Variants in SLCO1C1 observed in about 807,000 individuals in gnomAD.
SLCO1C1 encodes solute carrier organic anion transporter family member 1C1.
In SLCO1C1, 70 loss-of-function variants were observed where a neutral mutation model predicts 76.4. That is an observed-to-expected ratio of 0.92 (90% confidence interval 0.76 to 1.12). The LOEUF (loss-of-function observed/expected upper bound fraction) is 1.12, where lower values mean the gene tolerates loss of function less well. Among genes scored for constraint, SLCO1C1 ranks in the 50% most tolerant of loss-of-function variants. The pLI is 0.00. For synonymous variants in SLCO1C1, 306 were observed against 286.1 expected (o/e 1.07, Z -0.70); for missense variants, 912 against 823.8 (o/e 1.11, Z -1.31).
intron 3 of SLCO1C1, among the ~76,000 whole-genome samples, chr12:20,702,679 T>A (rs1424820236): frequency 1.3e-5 from 2 of 151,860 alleles, no homozygotes; most frequent in African/African-American, 4.8e-5. Flanking sequence ...CCTGTTCTAC[T>A]GATGGCCCTG....
intron 4 of SLCO1C1, among the ~76,000 whole-genome samples, chr12:20,707,592 A>C (rs941603574): frequency 1.3e-5 from 2 of 152,150 alleles, no homozygotes; most frequent in Non-Finnish European, 2.9e-5. Flanking sequence ...TTCCTAGCTG[A>C]TAATGCCATT....
chr12:20,732,212 A>G (rs117439483), intron 9 of SLCO1C1, among the ~76,000 whole-genome samples: 1,533 of 152,336 alleles, frequency 0.01, 19 homozygotes, highest in South Asian at 0.041. Context: ...AGGAGAGGCA[A>G]CATAGCAGTG....
intron 11 of SLCO1C1, 22 bp from the exon 12 acceptor site, chr12:20,740,162 A>T: frequency 6.3e-7 from 1 of 1,583,252 alleles, no homozygotes; most frequent in Non-Finnish European, 8.6e-7. Flanking sequence ...AAATAATTGG[A>T]CTTTTCCCTA....
intron 13 of SLCO1C1, among the ~76,000 whole-genome samples, chr12:20,748,817 G>A (rs1001542747): frequency 6.6e-6 from 1 of 152,044 alleles, no homozygotes; most frequent in Non-Finnish European, 1.5e-5. Context: ...TACTACACAC[G>A]TGATTTGCAT....
intron 7 of SLCO1C1, 47 bp downstream of exon 7, chr12:20,717,277 A>T: frequency 1.4e-6 from 2 of 1,441,820 alleles, no homozygotes; most frequent in African/African-American, 1.5e-5. Flanking sequence ...AGTCACTGTA[A>T]CATTTTTAAT....
At position 20,752,427 on chromosome 12, in the gene SLCO1C1, G is replaced by A. The variant is rs370126221; in HGVS notation, c.2038G>A (p.Glu680Lys). Residue 680 changes from glutamate to lysine, a missense_variant, in exon 15 of 15, where the codon GAA becomes AAA. Physicochemically the swap from Glu to Lys is moderately conservative, Grantham distance 56. Coordinates refer to ENST00000266509, the MANE Select transcript of SLCO1C1 (RefSeq NM_017435.5). Reference protein sequence around the residue: ...SKHRSFITKRERTMVSTRFQK... With the variant: ...SKHRSFITKRKRTMVSTRFQK... ...ACACAGAAGTTTTATAACCAAGAGA[G>A]AAAGAACAATGGTGTCTACAAGATT... 8 of 1,613,276 alleles carry A rather than the reference G, an allele frequency of 5.0e-6. No individual in the cohort carries two copies. The African/African-American group carries it at 5.3e-5, about 11-fold the overall frequency.
intron 12 of SLCO1C1, among the ~76,000 whole-genome samples, chr12:20,742,248 A>C (rs911047505): frequency 6.6e-6 from 1 of 152,044 alleles, no homozygotes; most frequent in East Asian, 1.9e-4. Context: ...CACAGAAAGC[A>C]TCTTTCTAAC....
chr12:20,696,642 G>GT (rs1565492938), intron 1 of SLCO1C1: 1 of 152,120 alleles, frequency 6.6e-6, no homozygotes, highest in African/African-American at 2.4e-5. Flanking sequence ...GAAAACTGTC[G>GT]TATGTCTTTT....
chr12:20,710,868 G>A (rs1947056209), intron 4 of SLCO1C1, among the ~76,000 whole-genome samples: 1 of 152,002 alleles, frequency 6.6e-6, no homozygotes, highest in Non-Finnish European at 1.5e-5. Flanking sequence ...TTTCACCTGG[G>A]GGGAGGTGAT....
chr12:20,699,739 T>G (rs1565495441), intron 2 of SLCO1C1, 34 bp downstream of exon 2: 1 of 1,579,716 alleles, frequency 6.3e-7, no homozygotes, highest in Non-Finnish European at 8.6e-7. Context: ...GTGTTGATGC[T>G]CTTAGTTTTC....
rs756285912 is a variant in SLCO1C1 at position 20,706,001 on chromosome 12, G to C, written c.324G>C (p.Arg108Ser). ...FVSYFGAKLH[R>S]PKIIGAGCVI... ...GCTACTTTGGAGCCAAACTTCACAG[G>C]CCAAAAATAATTGGAGCAGGGTGTG... is the stretch of plus-strand genomic sequence containing the variant. Residue 108 changes from arginine (R) to serine (S), a missense_variant, in exon 4 of 15, where the codon AGG becomes AGC. Transcript: ENST00000266509. 6.2e-7 allele frequency: 1 copy of C among 1,613,398 alleles called. No homozygotes were observed.
chr12:20,715,969 C>A (rs956252943), intron 6 of SLCO1C1, among the ~76,000 whole-genome samples: 1 of 152,134 alleles, frequency 6.6e-6, no homozygotes, highest in Non-Finnish European at 1.5e-5. Flanking sequence ...TAGAAATACA[C>A]GTCAGTCTCT....
chr12:20,729,787 G>A (rs1034482605), intron 9 of SLCO1C1, among the ~76,000 whole-genome samples: 1 of 152,020 alleles, frequency 6.6e-6, no homozygotes, highest in African/African-American at 2.4e-5. Flanking sequence ...ATGAAAGTGT[G>A]AGAAAGAGGG....
chr12:20,711,647 A>C lies in SLCO1C1; in HGVS notation c.529+137A>C. Reference sequence around the variant, plus strand: ...TAAATTGAGATATCACAGTACCATAAAAATTCCTAGAATATAAAGCAGTAT... The same window carrying C: ...TAAATTGAGATATCACAGTACCATACAAATTCCTAGAATATAAAGCAGTAT... On this transcript the variant is annotated intron_variant, in intron 5 of 14. Transcript: ENST00000266509. 3 of 830,872 alleles carry C rather than the reference A, an allele frequency of 3.6e-6. No individual in the cohort carries two copies. In the Admixed American group the frequency reaches 9.2e-5, roughly 25 times the overall value. 51.5% of individuals were successfully genotyped at this position (830,872 alleles called of 1,614,324 possible).
At chr12:20,703,494 T>A (rs1289224703) in intron 3 of SLCO1C1, among the ~76,000 whole-genome samples, 1 of 151,894 alleles carries the variant, frequency 6.6e-6, no homozygotes, top group Non-Finnish European at 1.5e-5. Context: ...TCTCTTGTGT[T>A]TGACCTTGAT....
intron 9 of SLCO1C1, among the ~76,000 whole-genome samples, chr12:20,727,826 A>C (rs1216952861): frequency 6.6e-6 from 1 of 152,048 alleles, no homozygotes; most frequent in Non-Finnish European, 1.5e-5. Context: ...TTCTTTTGTG[A>C]AGTGTCTGTA....
At chr12:20,704,038 T>C in intron 3 of SLCO1C1, among the ~76,000 whole-genome samples, 1 of 151,054 alleles carries the variant, frequency 6.6e-6, no homozygotes, top group East Asian at 1.9e-4. Flanking sequence ...ACTTTAAAGT[T>C]TGGTAAGACA....
At chr12:20,744,436 G>A (rs1237660078) in intron 13 of SLCO1C1, among the ~76,000 whole-genome samples, 4 of 152,032 alleles carry the variant, frequency 2.6e-5, no homozygotes, top group Admixed American at 1.3e-4. Context: ...CAGACAATGG[G>A]CTAATATTCC....
In SLCO1C1 at chr12:20,718,057, C is replaced by G. The variant is rs35346563; in HGVS notation, c.775+827C>G. 6.0e-3 allele frequency among the ~76,000 whole-genome samples: 915 copies of G among 152,228 alleles called. 11 individuals carry two copies. The highest frequency in any genetic ancestry group is 0.021 in the African/African-American group (889 of 41,532). On this transcript the variant is annotated intron_variant, in intron 7 of 14. Coordinates refer to ENST00000266509, the MANE Select transcript of SLCO1C1 (RefSeq NM_017435.5). Reference sequence around the variant, plus strand: ...TATTTATTCATTCATTAGTTCCCATCCAATTATTTTGCATTTACTTTATGC... The same window carrying G: ...TATTTATTCATTCATTAGTTCCCATGCAATTATTTTGCATTTACTTTATGC...
Sources: gnomAD v4.1 joint callset for allele counts (sites outside exome capture counted in the v4.1 genomes callset) on GRCh38, gnomAD v4.1.1 for gene constraint, MANE v1.5 for transcripts, NCBI Gene and HGNC (gene_info 2026-07-23, HGNC 2026-07-21) for gene names.